RPP14: variants seen among roughly 807,000 people sequenced by gnomAD.
RPP14 encodes the protein ribonuclease P/MRP subunit p14, also known as ribonuclease P protein subunit p14.
A neutral mutation model predicts 17.8 loss-of-function variants in RPP14; 19 were observed. The ratio of observed to expected loss-of-function variants is 1.07; its 90% CI spans 0.74 to 1.57. The LOEUF (loss-of-function observed/expected upper bound fraction) is 1.57, where lower values mean the gene tolerates loss of function less well. RPP14 is among the 40% of genes most tolerant of loss of function. RPP14 has a pLI of 0.00. For missense variants in RPP14, 125 were observed against 140.8 expected (o/e 0.89, Z 0.57); for synonymous variants, 60 against 56.4 (o/e 1.06, Z -0.29).
chr3:58,315,017 G>A (rs2097486823), intron 3 of RPP14, among the ~76,000 whole-genome samples: 1 of 152,074 alleles, frequency 6.6e-6, no homozygotes, highest in African/African-American at 2.4e-5. Flanking sequence ...ACGTGCATCT[G>A]CCATAGAACC....
At chr3:58,311,106 A>C in intron 3 of RPP14, among the ~76,000 whole-genome samples, 1 of 151,462 alleles carries the variant, frequency 6.6e-6, no homozygotes, top group East Asian at 1.9e-4. Context: ...ATAATCACCA[A>C]TCTACTTTCT....
intron 3 of RPP14, 59 bp from the exon 4 acceptor site, chr3:58,316,456 G>T: frequency 6.8e-7 from 1 of 1,468,392 alleles, no homozygotes. Context: ...GTCAAAAGTT[G>T]ACAAGCATTC....
At chr3:58,317,388 G>T in intron 5 of RPP14, 52 bp from the exon 6 acceptor site, 1 of 1,227,186 alleles carries the variant, frequency 8.1e-7, no homozygotes, top group South Asian at 1.3e-5. Flanking sequence ...CCATTGCCCT[G>T]TGCTTCAGTG....
intron 3 of RPP14, among the ~76,000 whole-genome samples, chr3:58,314,363 G>A (rs2097485931): frequency 6.6e-6 from 1 of 151,910 alleles, no homozygotes; most frequent in Non-Finnish European, 1.5e-5. Flanking sequence ...AAAAATAATA[G>A]TAATAATAAT....
In RPP14 at chr3:58,319,074, A is replaced by G. The variant is rs1035686332; in HGVS notation, c.*1578A>G. On this transcript the variant is annotated 3_prime_UTR_variant, in exon 6 of 6. Coordinates refer to ENST00000295959, the MANE Select transcript of RPP14 (RefSeq NM_007042.6). ...GGATAACAAATCCCTACCTATAGCC[A>G]TGTGGAAGCAGCTTGTCACTGTATT... is the stretch of plus-strand genomic sequence containing the variant. 5.3e-5 allele frequency: 8 copies of G among 152,182 alleles called. No homozygotes were observed. Among genetic ancestry groups the G allele is most frequent in the Non-Finnish European group, 1.2e-4 (8 of 68,036 alleles). The allele number at this position is 152,182 out of a possible 1,614,324, so 9.4% of individuals were successfully genotyped here.
Position 58,317,871 on chromosome 3 carries a change from T to C in RPP14, c.*375T>C, listed in dbSNP as rs1374132358. On this transcript the variant is annotated 3_prime_UTR_variant, in exon 6 of 6. Transcript: ENST00000295959. ...TTGGAAATACAATTGTACATGGAGT[T>C]TTGATCAACGGACTTATCTCAGCTC... The C allele has an allele frequency of 2.8e-6, 2 of 703,034 alleles. No homozygotes were observed. The highest frequency in any genetic ancestry group is 5.2e-6 in the Non-Finnish European group (2 of 385,000). The allele number at this position is 703,034 out of a possible 1,614,324, so 43.5% of individuals were successfully genotyped here. A position where few individuals can be genotyped will look rare whatever the true frequency, so the allele number is the denominator to read the frequency against.
In RPP14 at chr3:58,310,584, T is replaced by C; in HGVS notation, c.155T>C (p.Phe52Ser). The C allele has an allele frequency of 6.2e-7, 1 of 1,611,782 alleles. No individual in the cohort carries two copies. Among genetic ancestry groups the C allele is most frequent in the African/African-American group, 1.3e-5 (1 of 74,726 alleles). ...QLLISAVKDL[F>S]GEVDAALPLD... ...CTTATTTCGGCTGTGAAGGACCTGTTTGGGGAGGTATGGAATCACTTGGTA... is the reference window on the plus strand; with the variant it reads ...CTTATTTCGGCTGTGAAGGACCTGTCTGGGGAGGTATGGAATCACTTGGTA... Residue 52 changes from phenylalanine (F) to serine (S), a missense_variant, in exon 3 of 6, where the codon TTT (phenylalanine) becomes TCT (serine). Transcript: ENST00000295959.
At position 58,318,141 on chromosome 3, in the gene RPP14, A is replaced by G. The variant is rs2097490342; in HGVS notation, c.*645A>G. 1 of 622,570 alleles carries G rather than the reference A, an allele frequency of 1.6e-6. No individual in the cohort carries two copies. Among genetic ancestry groups the G allele is most frequent in the African/African-American group, 1.8e-5 (1 of 54,378 alleles). The allele number at this position is 622,570 out of a possible 1,614,324, so 38.6% of individuals were successfully genotyped here. On this transcript the variant is annotated 3_prime_UTR_variant, in exon 6 of 6. Transcript: ENST00000295959. The stretch of plus-strand genomic sequence containing the variant: ...CCTGAAATAGATGTTTTAAAGATGC[A>G]ACCTCAAACACCAATGCTGTTGTTA...
chr3:58,312,233 G>C (rs2097483013), intron 3 of RPP14, among the ~76,000 whole-genome samples: 1 of 151,808 alleles, frequency 6.6e-6, no homozygotes, highest in African/African-American at 2.4e-5. Flanking sequence ...AGTGTGTGAG[G>C]GTTCCCCTAG....
intron 1 of RPP14, among the ~76,000 whole-genome samples, chr3:58,308,304 G>T (rs1258043437): frequency 2.6e-5 from 4 of 152,056 alleles, no homozygotes; most frequent in Non-Finnish European, 5.9e-5. Context: ...TTGTTTTGGA[G>T]ACAGGGTCAT....
At chr3:58,316,729 A>G in intron 4 of RPP14, 138 bp downstream of exon 4, 1 of 881,184 alleles carries the variant, frequency 1.1e-6, no homozygotes, top group Non-Finnish European at 1.8e-6. Flanking sequence ...TGGGATGAAT[A>G]TGAACATTCA....
intron 1 of RPP14, 33 bp downstream of exon 1, chr3:58,306,450 T>G (rs2097474616): frequency 6.6e-6 from 1 of 152,286 alleles, no homozygotes; most frequent in Non-Finnish European, 1.5e-5. Context: ...GCGGCGGTTG[T>G]CTGGGAGCCG....
In RPP14 at chr3:58,317,463, A is replaced by T; in HGVS notation, c.342A>T (p.Leu114Phe). 1.2e-6 allele frequency: 2 copies of T among 1,601,576 alleles called. No individual in the cohort carries two copies. The highest frequency in any genetic ancestry group is 1.7e-6 in the Non-Finnish European group (2 of 1,169,636). ...AGGTTTCTCCATTTCTTCTTGCATT[A>T]TCTGGTAATAGTAGGGAACTAGTAT... ...VIQVSPFLLA[L>F]SGNSRELVLD is the part of the protein sequence containing the mutation. Residue 114 changes from leucine to phenylalanine, a missense_variant, in exon 6 of 6, where the codon TTA becomes TTT. Leu to Phe is a conservative substitution (Grantham distance 22). Transcript: ENST00000295959.
rs1163219666 is a variant in RPP14 at position 58,318,047 on chromosome 3, C to CT, written c.*552dup. On this transcript the variant is annotated 3_prime_UTR_variant, in exon 6 of 6. Coordinates refer to ENST00000295959, the MANE Select transcript of RPP14 (RefSeq NM_007042.6). ...ATTGCTATTATTGCAGTGTCATGTT[C>CT]TGTAATAGAAAGTAAAAAGACTGTT... The CT allele has an allele frequency of 1.4e-6, 1 of 697,708 alleles. No individual in the cohort carries two copies. Among genetic ancestry groups the CT allele is most frequent in the Admixed American group, 2.1e-5 (1 of 48,376 alleles). The allele number at this position is 697,708 out of a possible 1,614,324, so 43.2% of individuals were successfully genotyped here. A position where few individuals can be genotyped will look rare whatever the true frequency, so the allele number is the denominator to read the frequency against.
intron 3 of RPP14, among the ~76,000 whole-genome samples, chr3:58,311,273 G>A (rs1335376599): frequency 6.6e-6 from 1 of 152,022 alleles, no homozygotes; most frequent in Non-Finnish European, 1.5e-5. Context: ...TCCTGCCTTA[G>A]CCCCCCTGGT....
chr3:58,320,018 TTC>T lies in RPP14; in HGVS notation c.*2524_*2525del, dbSNP rs2097492859. Reference sequence around the variant, plus strand: ...AGTCTTTGGGAATCACCAGTCTACTTTCTGTCTCTATGGGTTTCCCTGTTCTG... The same window carrying T: ...AGTCTTTGGGAATCACCAGTCTACTTTGTCTCTATGGGTTTCCCTGTTCTG... On this transcript the variant is annotated 3_prime_UTR_variant, in exon 6 of 6. Coordinates refer to ENST00000295959, the MANE Select transcript of RPP14 (RefSeq NM_007042.6). 1 of 152,174 alleles carries T rather than the reference TTC, an allele frequency of 6.6e-6. No individual in the cohort carries two copies. Among genetic ancestry groups the T allele is most frequent in the African/African-American group, 2.4e-5 (1 of 41,454 alleles). The allele number at this position is 152,174 out of a possible 1,614,324, so 9.4% of individuals were successfully genotyped here.
Position 58,316,987 on chromosome 3 carries a change from G to T in RPP14, c.312G>T (p.Val104=). The T allele has an allele frequency of 6.2e-7, 1 of 1,612,746 alleles. No individual in the cohort carries two copies. The highest frequency in any genetic ancestry group is 1.1e-5 in the South Asian group (1 of 90,992). ...SYKGKKCAFR[V]IQVSPFLLAL... ...AAGGCAAAAAATGTGCTTTCCGGGT[G>T]ATTCAGGTAAAGACTATTCCCTCAC... The change falls in exon 5 of 6, where the codon GTG becomes GTT. Residue 104 remains valine, a synonymous_variant. Coordinates refer to ENST00000295959, the MANE Select transcript of RPP14 (RefSeq NM_007042.6).
intron 3 of RPP14, among the ~76,000 whole-genome samples, chr3:58,314,282 C>G (rs558147280): frequency 6.6e-6 from 1 of 152,018 alleles, no homozygotes; most frequent in South Asian, 2.1e-4. Context: ...ACCTGGGAGG[C>G]GGAGGTTGCA....
At chr3:58,316,638 C>A in intron 4 of RPP14, 47 bp downstream of exon 4, 1 of 1,494,260 alleles carries the variant, frequency 6.7e-7, no homozygotes, top group Non-Finnish European at 9.3e-7. Flanking sequence ...GCAGAGAGAC[C>A]GATGGAGCAA....
Sources: gnomAD v4.1 joint callset for allele counts (sites outside exome capture counted in the v4.1 genomes callset) on GRCh38, gnomAD v4.1.1 for gene constraint, MANE v1.5 for transcripts, NCBI Gene and HGNC (gene_info 2026-07-23, HGNC 2026-07-21) for gene names.